Variants in KANSL1 observed in about 807,000 individuals in gnomAD.
KANSL1 encodes the protein MLL1/MLL complex subunit KANSL1.
Under a neutral mutation model 103.6 loss-of-function variants are expected in KANSL1, and 22 were observed. The observed-to-expected ratio is 0.21, with a 90% CI of 0.15 to 0.30. The LOEUF (loss-of-function observed/expected upper bound fraction) is 0.30. KANSL1 is among the 10% of genes least tolerant of loss of function. The probability of loss-of-function intolerance (pLI) is 1.00; values close to 1 mark genes in which losing one functional copy is unlikely to be tolerated. For missense variants in KANSL1, 1,337 were observed against 1,399.8 expected (o/e 0.96, Z 0.72); for synonymous variants, 600 against 527.6 (o/e 1.14, Z -1.88).
chr17:46,058,789 T>A (rs1043593041), intron 6 of KANSL1, among the ~76,000 whole-genome samples: 6 of 113,654 alleles, frequency 5.3e-5, no homozygotes, highest in African/African-American at 9.9e-5. Context: ...TCTCTCTCTC[T>A]CTCAAAACAT....
intron 1 of KANSL1, among the ~76,000 whole-genome samples, chr17:46,205,937 T>A (rs556607563): frequency 6.6e-6 from 1 of 151,912 alleles, no homozygotes; most frequent in African/African-American, 2.4e-5. Flanking sequence ...ATGAGCTAGA[T>A]GTGGTGGCAT....
At chr17:46,204,644 A>G (rs1380310817) in intron 1 of KANSL1, among the ~76,000 whole-genome samples, 1 of 152,250 alleles carries the variant, frequency 6.6e-6, no homozygotes, top group Admixed American at 6.5e-5. Context: ...CCAGACATAG[A>G]TATCACAAGA....
At chr17:46,123,197 C>T (rs1465166589) in intron 2 of KANSL1, among the ~76,000 whole-genome samples, 2 of 152,064 alleles carry the variant, frequency 1.3e-5, no homozygotes, top group African/African-American at 2.4e-5. Context: ...GCCAACATGG[C>T]GAAACCCCCT....
intron 1 of KANSL1, chr17:46,223,091 G>GT (rs1186561647): frequency 6.8e-6 from 1 of 147,524 alleles, no homozygotes; most frequent in Non-Finnish European, 1.5e-5. Flanking sequence ...AAAACTTGGT[G>GT]TAAGTGCTAC....
chr17:46,094,090 T>TA (rs1389737161), intron 3 of KANSL1: 2 of 157,596 alleles, frequency 1.3e-5, no homozygotes, highest in African/African-American at 4.8e-5. Flanking sequence ...TTAAACATTA[T>TA]ATTCTAATAG....
chr17:46,037,403 C>T (rs2077182278), intron 10 of KANSL1: 1 of 152,212 alleles, frequency 6.6e-6, no homozygotes, highest in Non-Finnish European at 1.5e-5. Flanking sequence ...AAAGAGAGAA[C>T]AATGTGAATT....
rs1226357735 is a variant in KANSL1 at position 46,193,020 on chromosome 17, G to A, written c.-287C>T. ...TTCCGGGCGGGGGGGCGAGGCAGAG[G>A]GGGAGGGGAAGGCGGCGGCGGGGAG... On this transcript the variant is annotated 5_prime_UTR_variant, in exon 1 of 15. Coordinates refer to ENST00000432791, the MANE Select transcript of KANSL1 (RefSeq NM_015443.4). The A allele has an allele frequency of 6.5e-6, 1 of 153,080 alleles. No individual in the cohort carries two copies. The highest frequency in any genetic ancestry group is 6.5e-5 in the Admixed American group (1 of 15,274). The allele number at this position is 153,080 out of a possible 1,614,324, so 9.5% of individuals were successfully genotyped here. A position where few individuals can be genotyped will look rare whatever the true frequency, so the allele number is the denominator to read the frequency against.
chr17:46,164,785 T>C (rs2045914114), intron 2 of KANSL1, among the ~76,000 whole-genome samples: 1 of 152,260 alleles, frequency 6.6e-6, no homozygotes, highest in Admixed American at 6.5e-5. Flanking sequence ...TCAAAGTAGT[T>C]TGAGACCTAA....
chr17:46,202,648 G>A (rs1485674518), intron 1 of KANSL1, among the ~76,000 whole-genome samples: 1 of 152,070 alleles, frequency 6.6e-6, no homozygotes, highest in Non-Finnish European at 1.5e-5. Context: ...ATAAGTTACC[G>A]AGAACATGAC....
chr17:46,079,188 G>C (rs1282216289), intron 4 of KANSL1, among the ~76,000 whole-genome samples: 1 of 152,132 alleles, frequency 6.6e-6, no homozygotes, highest in East Asian at 1.9e-4. Flanking sequence ...CATGAATTCA[G>C]TCTCCAGTTC....
chr17:46,094,805 T>A, intron 2 of KANSL1, 104 bp from the exon 3 acceptor site: 1 of 1,346,440 alleles, frequency 7.4e-7, no homozygotes, highest in Non-Finnish European at 1.0e-6. Flanking sequence ...TTGCAGAGAC[T>A]AACTCTAGTG....
At chr17:46,073,905 A>G (rs758048547) in intron 4 of KANSL1, among the ~76,000 whole-genome samples, 4 of 152,174 alleles carry the variant, frequency 2.6e-5, no homozygotes, top group African/African-American at 4.8e-5. Flanking sequence ...ACGAGTATCA[A>G]TAAGGAAGGG....
chr17:46,224,960 C>G (rs2148082612), upstream of KANSL1: 1 of 151,692 alleles, frequency 6.6e-6, no homozygotes, highest in East Asian at 1.9e-4. Flanking sequence ...TTCCTCTCCG[C>G]GTCGGTCCGT....
chr17:46,199,660 T>G (rs969274483), intron 1 of KANSL1, among the ~76,000 whole-genome samples: 2 of 152,256 alleles, frequency 1.3e-5, no homozygotes, highest in African/African-American at 4.8e-5. Context: ...AGATATTATT[T>G]TGCCATCTCA....
At chr17:46,160,597 C>A (rs1240343358) in intron 2 of KANSL1, among the ~76,000 whole-genome samples, 1 of 152,154 alleles carries the variant, frequency 6.6e-6, no homozygotes, top group African/African-American at 2.4e-5. Flanking sequence ...CCCATATAAC[C>A]CATCCAACTT....
upstream of KANSL1, among the ~76,000 whole-genome samples, chr17:46,194,056 G>GTGT (rs772102967): frequency 0.09 from 13,176 of 145,760 alleles, no homozygotes; most frequent in Middle Eastern, 0.14. Flanking sequence ...GAGTTGGGCG[G>GTGT]GGTGGGGAGG....
At chr17:46,060,666 C>T (rs968432429) in intron 6 of KANSL1, among the ~76,000 whole-genome samples, 4 of 152,214 alleles carry the variant, frequency 2.6e-5, no homozygotes, top group African/African-American at 9.7e-5. Context: ...ACTTTTAATA[C>T]TGACTCATAT....
At chr17:46,158,705 T>A (rs535448220) in intron 2 of KANSL1, among the ~76,000 whole-genome samples, 1 of 152,182 alleles carries the variant, frequency 6.6e-6, no homozygotes, top group East Asian at 1.9e-4. Flanking sequence ...CACACCCGGT[T>A]CATTTTTGTA....
At position 46,105,941 on chromosome 17, in the gene KANSL1, ACACACAC is replaced by A. The variant is rs1348079513; in HGVS notation, c.1290-11247_1290-11241del. Among the ~76,000 whole-genome samples, 383 of 76,400 alleles carry A rather than the reference ACACACAC, an allele frequency of 5.0e-3. 3 individuals are homozygous for A. The highest frequency in any genetic ancestry group is 0.027 in the East Asian group (99 of 3,732). The allele number at this position is 76,400 out of a possible 152,430, so 50.1% of individuals were successfully genotyped here. A position where few individuals can be genotyped will look rare whatever the true frequency, so the allele number is the denominator to read the frequency against. On this transcript the variant is annotated intron_variant, in intron 2 of 14. Transcript: ENST00000432791. The stretch of plus-strand genomic sequence containing the variant: ...CACACACACACACACACACACACAC[ACACACAC>A]CCCCCCAGAAGGGTGAAGGAGCAGA...
Sources: gnomAD v4.1 joint callset for allele counts (sites outside exome capture counted in the v4.1 genomes callset) on GRCh38, gnomAD v4.1.1 for gene constraint, MANE v1.5 for transcripts, NCBI Gene and HGNC (gene_info 2026-07-23, HGNC 2026-07-21) for gene names.